LRCH3: variants seen among roughly 807,000 people sequenced by gnomAD.
LRCH3 encodes leucine rich repeats and calponin homology domain containing 3.
LRCH3 carries 68 observed loss-of-function variants against 104.5 expected under a neutral mutation model. The ratio of observed to expected loss-of-function variants is 0.65; its 90% CI spans 0.54 to 0.80. The LOEUF (loss-of-function observed/expected upper bound fraction) is 0.80, where lower values mean the gene tolerates loss of function less well. LRCH3 is among the 30% of genes least tolerant of loss of function. LRCH3 has a pLI of 0.00. For synonymous variants in LRCH3, 344 were observed against 361.3 expected (o/e 0.95, Z 0.54); for missense variants, 951 against 953.9 (o/e 1.00, Z 0.04).
chr3:197,837,953 G>A (rs997516917), intron 9 of LRCH3, among the ~76,000 whole-genome samples: 78 of 152,168 alleles, frequency 5.1e-4, no homozygotes, highest in African/African-American at 1.8e-3. Context: ...CCAGCCACTC[G>A]GGAGGCTGAG....
At chr3:197,791,237 G>A (rs759357258), upstream of LRCH3, 3 of 1,596,632 alleles carry the variant, frequency 1.9e-6, no homozygotes, top group South Asian at 2.3e-5. Flanking sequence ...GTCCGGCCGC[G>A]CATGCGCTGA....
intron 8 of LRCH3, among the ~76,000 whole-genome samples, chr3:197,834,974 T>C (rs1381284389): frequency 1.3e-5 from 2 of 151,902 alleles, no homozygotes; most frequent in Non-Finnish European, 2.9e-5. Flanking sequence ...TGAAACCCCG[T>C]CTCTACTAAA....
intron 19 of LRCH3, among the ~76,000 whole-genome samples, chr3:197,874,084 T>A (rs1712573044): frequency 6.6e-6 from 1 of 151,444 alleles, no homozygotes; most frequent in Admixed American, 6.6e-5. Context: ...TACATTTAAA[T>A]GATGAACTAT....
intron 17 of LRCH3, among the ~76,000 whole-genome samples, chr3:197,869,774 T>C (rs1434205882): frequency 7.0e-5 from 9 of 128,218 alleles, no homozygotes; most frequent in Admixed American, 5.9e-4. Context: ...GCACTGTACC[T>C]GCAGGAGGTA....
chr3:197,838,347 T>C (rs1344990352), intron 9 of LRCH3, among the ~76,000 whole-genome samples: 2 of 152,232 alleles, frequency 1.3e-5, no homozygotes, highest in Admixed American at 6.5e-5. Context: ...TTATTTGGGA[T>C]CTCATGTCCA....
intron 20 of LRCH3, among the ~76,000 whole-genome samples, chr3:197,877,516 C>T (rs183577567): frequency 6.1e-4 from 88 of 144,502 alleles, no homozygotes; most frequent in Non-Finnish European, 5.0e-4. Context: ...CCCAACTCAC[C>T]GCACCCATGG....
At chr3:197,876,699 T>C (rs1712927496) in intron 20 of LRCH3, among the ~76,000 whole-genome samples, 1 of 152,188 alleles carries the variant, frequency 6.6e-6, no homozygotes, top group South Asian at 2.1e-4. Context: ...ATGATTCTTC[T>C]CTATCACCTT....
At chr3:197,803,801 A>G (rs905493564) in intron 1 of LRCH3, among the ~76,000 whole-genome samples, 1 of 152,236 alleles carries the variant, frequency 6.6e-6, no homozygotes, top group Non-Finnish European at 1.5e-5. Context: ...TCATCTCGGA[A>G]TAAGAATCTG....
At chr3:197,803,068 A>G (rs544954716) in intron 1 of LRCH3, among the ~76,000 whole-genome samples, 2 of 152,350 alleles carry the variant, frequency 1.3e-5, no homozygotes, top group African/African-American at 4.8e-5. Context: ...CTCAAAATAA[A>G]TGTCAACTTC....
At chr3:197,819,097 G>C (rs974806982) in intron 3 of LRCH3, among the ~76,000 whole-genome samples, 3 of 150,590 alleles carry the variant, frequency 2.0e-5, no homozygotes, top group Admixed American at 6.6e-5. Flanking sequence ...CTGCACTCCA[G>C]CCTGGGCAAC....
chr3:197,801,840 A>T (rs962174938), intron 1 of LRCH3, among the ~76,000 whole-genome samples: 1 of 152,214 alleles, frequency 6.6e-6, no homozygotes, highest in African/African-American at 2.4e-5. Context: ...GACTGAAATT[A>T]ACGTGTTGTC....
intron 1 of LRCH3, among the ~76,000 whole-genome samples, chr3:197,814,392 T>C (rs990421353): frequency 4.2e-4 from 64 of 152,250 alleles, no homozygotes; most frequent in African/African-American, 1.5e-3. Flanking sequence ...TTCTGGGGAA[T>C]ACAATTCACG....
chr3:197,874,244 G>A (rs1560603563), intron 19 of LRCH3, among the ~76,000 whole-genome samples: 1 of 152,150 alleles, frequency 6.6e-6, no homozygotes, highest in Non-Finnish European at 1.5e-5. Flanking sequence ...AGCTTCATCT[G>A]TATTTACAGC....
intron 1 of LRCH3, among the ~76,000 whole-genome samples, chr3:197,800,523 G>A (rs995298019): frequency 1.3e-5 from 2 of 152,214 alleles, no homozygotes; most frequent in African/African-American, 4.8e-5. Context: ...TGGAAAGAAC[G>A]TGGAGCAGTG....
At chr3:197,862,740 CTT>C (rs1254814420) in intron 15 of LRCH3, among the ~76,000 whole-genome samples, 1 of 152,150 alleles carries the variant, frequency 6.6e-6, no homozygotes, top group Admixed American at 6.5e-5. Flanking sequence ...TTCTGTTACT[CTT>C]GTTTGAATTA....
chr3:197,834,871 C>T (rs534521217), intron 8 of LRCH3, among the ~76,000 whole-genome samples: 21 of 152,290 alleles, frequency 1.4e-4, no homozygotes, highest in African/African-American at 4.8e-4. Context: ...GTGCCAGGCA[C>T]GTTGGCTGAT....
chr3:197,798,022 G>A (rs1336341494), intron 1 of LRCH3, among the ~76,000 whole-genome samples: 8 of 152,132 alleles, frequency 5.3e-5, no homozygotes, highest in Admixed American at 4.6e-4. Flanking sequence ...AACACTTTAG[G>A]AGGCTGAGGC....
At chr3:197,791,584 C>T (rs1730510179) in intron 1 of LRCH3, 44 bp downstream of exon 1, 3 of 1,488,274 alleles carry the variant, frequency 2.0e-6, no homozygotes, top group Non-Finnish European at 2.7e-6. Flanking sequence ...AGACCCGGCG[C>T]CGGGAGCCGC....
At chr3:197,867,113 G>GA (rs562166644) in intron 17 of LRCH3, among the ~76,000 whole-genome samples, 222 of 152,084 alleles carry the variant, frequency 1.5e-3, no homozygotes, top group Non-Finnish European at 2.3e-3. Context: ...CGTCTCTACT[G>GA]AAAAAATACA....
Sources: gnomAD v4.1 joint callset for allele counts (sites outside exome capture counted in the v4.1 genomes callset) on GRCh38, gnomAD v4.1.1 for gene constraint, MANE v1.5 for transcripts, NCBI Gene and HGNC (gene_info 2026-07-23, HGNC 2026-07-21) for gene names.